SGCZ: variants seen among roughly 807,000 people sequenced by gnomAD.
SGCZ encodes the protein zeta-sarcoglycan.
In SGCZ, 40 loss-of-function variants were observed where a neutral mutation model predicts 41.3. That is an observed-to-expected ratio of 0.97 (90% CI 0.75 to 1.26). The LOEUF (loss-of-function observed/expected upper bound fraction) is 1.26. Among genes scored for constraint, SGCZ ranks in the 50% most tolerant of loss-of-function variants. The pLI is 0.00. For missense variants in SGCZ, 552 were observed against 369.8 expected (o/e 1.49, Z -4.04); for synonymous variants, 206 against 137.5 (o/e 1.50, Z -3.49).
rs185671760 is a variant in SGCZ, at chr8:15,079,968, C to T, written c.39+157617G>A. 3.3e-4 allele frequency among the ~76,000 whole-genome samples: 50 copies of T among 152,272 alleles called. 1 individual carries two copies. In the Middle Eastern group the frequency reaches 0.01, roughly 31 times the overall value. On this transcript the variant is annotated intron_variant, in intron 1 of 7. Coordinates refer to ENST00000382080, the MANE Select transcript of SGCZ (RefSeq NM_139167.4). ...TACACTTTTGATTGCCTGCTCTTTTCTCTTTAATCCTCTCCAACCCTTCAT... is the reference window on the plus strand; with the variant it reads ...TACACTTTTGATTGCCTGCTCTTTTTTCTTTAATCCTCTCCAACCCTTCAT...
chr8:14,267,440 G>C (rs1442199102), intron 3 of SGCZ, among the ~76,000 whole-genome samples: 2 of 152,050 alleles, frequency 1.3e-5, no homozygotes, highest in Non-Finnish European at 2.9e-5. Context: ...ATAAGATTTT[G>C]ATAAGAGAAA....
rs1585699796 is a variant in SGCZ, at chr8:15,231,955, C to T, written c.39+5630G>A. On this transcript the variant is annotated intron_variant, in intron 1 of 7. Transcript: ENST00000382080. ...CGTTTATAGAAAATGTGGTAGCTTA[C>T]TTCTAGTCACAGAGAGTTTTAGAAG... 2.0e-5 allele frequency among the ~76,000 whole-genome samples: 3 copies of T among 152,144 alleles called. No individual in the cohort carries two copies. In the East Asian group the frequency reaches 5.8e-4, roughly 29 times the overall value.
At chr8:15,091,522 T>C (rs1389551582) in intron 1 of SGCZ, among the ~76,000 whole-genome samples, 1 of 152,224 alleles carries the variant, frequency 6.6e-6, no homozygotes, top group Non-Finnish European at 1.5e-5. Flanking sequence ...ATAAAATTAA[T>C]GTGCAGAATC....
chr8:14,797,252 A>G (rs1801164539), intron 1 of SGCZ, among the ~76,000 whole-genome samples: 1 of 152,122 alleles, frequency 6.6e-6, no homozygotes, highest in African/African-American at 2.4e-5. Context: ...AGGAAGATTT[A>G]GAAAAGTTTG....
At chr8:14,363,007 T>G (rs1803581557) in intron 2 of SGCZ, among the ~76,000 whole-genome samples, 1 of 152,188 alleles carries the variant, frequency 6.6e-6, no homozygotes, top group South Asian at 2.1e-4. Context: ...TTTCTTACGT[T>G]GCTCAATATG....
chr8:14,165,631 C>T (rs928853045), intron 4 of SGCZ, among the ~76,000 whole-genome samples: 1 of 152,068 alleles, frequency 6.6e-6, no homozygotes, highest in Admixed American at 6.6e-5. Flanking sequence ...AGGAAACCTT[C>T]CTCCTCTTCT....
intron 1 of SGCZ, among the ~76,000 whole-genome samples, chr8:14,627,448 G>T (rs1189981830): frequency 6.6e-6 from 1 of 151,888 alleles, no homozygotes; most frequent in African/African-American, 2.4e-5. Context: ...TTCTTCCAAC[G>T]TTTTTATTTA....
intron 4 of SGCZ, among the ~76,000 whole-genome samples, chr8:14,227,983 A>C (rs2117139778): frequency 6.6e-6 from 1 of 152,162 alleles, no homozygotes; most frequent in Non-Finnish European, 1.5e-5. Context: ...ATTGTTGTGC[A>C]GTCATCTGGG....
At chr8:14,209,343 C>T (rs1805721224) in intron 4 of SGCZ, among the ~76,000 whole-genome samples, 1 of 151,952 alleles carries the variant, frequency 6.6e-6, no homozygotes, top group Non-Finnish European at 1.5e-5. Context: ...TCTGCTTTCT[C>T]TTTCTTTCGC....
rs1235558637 is a variant in SGCZ, at chr8:14,088,985, A to G, written c.*1458T>C. Among the ~76,000 whole-genome samples the G allele has an allele frequency of 1.3e-5, 2 of 151,922 alleles. No homozygotes were observed. The highest frequency in any genetic ancestry group is 1.3e-4 in the Admixed American group (2 of 15,212). ...AAAAACGTTTGATTGACATGTGAAA[A>G]TTCAGGACTTACCTTATAGTAATTA... On this transcript the variant is annotated 3_prime_UTR_variant, in exon 8 of 8. Transcript: ENST00000382080.
At chr8:14,879,957 C>T (rs1483784173) in intron 1 of SGCZ, 1 of 152,204 alleles carries the variant, frequency 6.6e-6, no homozygotes, top group East Asian at 1.9e-4. Flanking sequence ...TCTCCTGTCT[C>T]AGCCTCCCAA....
chr8:15,164,799 C>T (rs1799608458), intron 1 of SGCZ, among the ~76,000 whole-genome samples: 1 of 152,100 alleles, frequency 6.6e-6, no homozygotes, highest in South Asian at 2.1e-4. Flanking sequence ...GTTAGTGCTG[C>T]AAGCCTCCAT....
chr8:14,552,559 A>G (rs559940888), intron 2 of SGCZ, among the ~76,000 whole-genome samples: 3 of 152,078 alleles, frequency 2.0e-5, no homozygotes, highest in East Asian at 1.9e-4. Flanking sequence ...CAACACTCCT[A>G]TGGAAACAAC....
intron 4 of SGCZ, among the ~76,000 whole-genome samples, chr8:14,214,992 C>G (rs1048048642): frequency 1.3e-5 from 2 of 152,044 alleles, no homozygotes; most frequent in Non-Finnish European, 2.9e-5. Context: ...CAGAGAAATA[C>G]TGAAGAATAT....
chr8:14,604,337 G>A (rs1254365376), intron 1 of SGCZ, among the ~76,000 whole-genome samples: 2 of 152,108 alleles, frequency 1.3e-5, no homozygotes, highest in Admixed American at 1.3e-4. Context: ...CCTAGTGTAA[G>A]CTCACCAGGA....
At chr8:14,176,233 T>C (rs1285043714) in intron 4 of SGCZ, among the ~76,000 whole-genome samples, 1 of 152,184 alleles carries the variant, frequency 6.6e-6, no homozygotes, top group Non-Finnish European at 1.5e-5. Context: ...GTACTTCTTT[T>C]CAACTGAATA....
At chr8:14,155,897 G>C (rs1803862003) in intron 5 of SGCZ, among the ~76,000 whole-genome samples, 1 of 151,968 alleles carries the variant, frequency 6.6e-6, no homozygotes, top group Non-Finnish European at 1.5e-5. Context: ...CTACAAACCT[G>C]TACAGCATGT....
At chr8:14,841,486 T>G (rs1585309852) in intron 1 of SGCZ, among the ~76,000 whole-genome samples, 2 of 152,190 alleles carry the variant, frequency 1.3e-5, no homozygotes, top group Non-Finnish European at 2.9e-5. Context: ...ATTGCATGAT[T>G]GGTTAGTAAG....
chr8:15,130,112 C>G (rs1359587534), intron 1 of SGCZ, among the ~76,000 whole-genome samples: 3 of 152,072 alleles, frequency 2.0e-5, no homozygotes, highest in Non-Finnish European at 4.4e-5. Context: ...ATTTGAGGCC[C>G]TTCTCTATCG....
Sources: gnomAD v4.1 joint callset for allele counts (sites outside exome capture counted in the v4.1 genomes callset) on GRCh38, gnomAD v4.1.1 for gene constraint, MANE v1.5 for transcripts, NCBI Gene and HGNC (gene_info 2026-07-23, HGNC 2026-07-21) for gene names.